The following GRID1 variants were observed in gnomAD, a reference collection of about 807,000 sequenced individuals.
GRID1 encodes the protein glutamate receptor ionotropic, delta-1.
Under a neutral mutation model 98.0 loss-of-function variants are expected in GRID1, and 28 were observed. That is an observed-to-expected ratio of 0.29 (90% confidence interval 0.21 to 0.39). The LOEUF (loss-of-function observed/expected upper bound fraction) is 0.39, where lower values mean the gene tolerates loss of function less well. Among genes scored for constraint, GRID1 ranks in the 10% least tolerant of loss-of-function variants. The pLI, the probability that GRID1 is intolerant of heterozygous loss-of-function variation, is 1.00. For missense variants in GRID1, 1,111 were observed against 1,340.5 expected, an observed-to-expected ratio of 0.83 and a Z score of 2.67; for synonymous variants, 553 against 538.5, an observed-to-expected ratio of 1.03 and a Z score of -0.37.
chr10:86,208,582 C>T (rs1048124529), intron 2 of GRID1, among the ~76,000 whole-genome samples: 10 of 152,190 alleles, frequency 6.6e-5, no homozygotes, highest in African/African-American at 2.4e-4. Flanking sequence ...ACTCTTGCTT[C>T]AAAACTCAGA....
intron 13 of GRID1, among the ~76,000 whole-genome samples, chr10:85,632,644 A>T (rs1323928852): frequency 1.3e-5 from 2 of 152,148 alleles, no homozygotes; most frequent in Non-Finnish European, 1.5e-5. Context: ...CCCAGGAACA[A>T]GTGGTTCTCG....
At chr10:85,774,564 G>A (rs971454461) in intron 8 of GRID1, among the ~76,000 whole-genome samples, 12 of 151,816 alleles carry the variant, frequency 7.9e-5, no homozygotes, top group African/African-American at 1.2e-4. Context: ...GAAAATTTTC[G>A]CAACCTACTC....
chr10:85,665,840 C>T (rs748229451), intron 12 of GRID1, among the ~76,000 whole-genome samples: 1 of 152,102 alleles, frequency 6.6e-6, no homozygotes, highest in Non-Finnish European at 1.5e-5. Context: ...AAAATCTGAG[C>T]TCTTGGGGTG....
In GRID1 at chr10:86,226,104, G is replaced by A. The variant is rs79405669; in HGVS notation, c.236-19456C>T. Among the ~76,000 whole-genome samples, 913 of 152,164 alleles carry A rather than the reference G, an allele frequency of 6.0e-3. 13 individuals carry two copies. The highest frequency in any genetic ancestry group is 0.021 in the African/African-American group (872 of 41,474). On this transcript the variant is annotated intron_variant, in intron 2 of 15. Coordinates refer to ENST00000327946, the MANE Select transcript of GRID1 (RefSeq NM_017551.3). ...CAGAGGCATGAGAAGCAAGAAGAGC[G>A]TAAGAACGAAAGGGAAGAAGGACAT...
chr10:85,745,472 A>G (rs925176382), intron 8 of GRID1, among the ~76,000 whole-genome samples: 2 of 129,450 alleles, frequency 1.5e-5, no homozygotes, highest in African/African-American at 6.0e-5. Context: ...TATCGCAAGA[A>G]CGAAAAACCA....
chr10:85,816,220 T>C (rs1313485400), intron 8 of GRID1, among the ~76,000 whole-genome samples: 1 of 152,170 alleles, frequency 6.6e-6, no homozygotes, highest in Non-Finnish European at 1.5e-5. Context: ...TAAATATCTT[T>C]ACAAAAATTT....
In GRID1 at chr10:85,609,703, G is replaced by C. The variant is rs180688020; in HGVS notation, c.2601+3704C>G. Among the ~76,000 whole-genome samples the C allele has an allele frequency of 7.9e-4, 120 of 152,368 alleles. No individual in the cohort carries two copies. The East Asian group carries it at 0.017, about 21-fold the overall frequency. On this transcript the variant is annotated intron_variant, in intron 15 of 15. Transcript: ENST00000327946. The stretch of plus-strand genomic sequence containing the variant: ...CCTGTGTGCGATGGAAACCGGGCCA[G>C]GGGAGGGCAGGCAAGGCAGAAAGCA...
intron 4 of GRID1, among the ~76,000 whole-genome samples, chr10:86,063,901 T>C (rs1416340541): frequency 6.6e-6 from 1 of 152,136 alleles, no homozygotes; most frequent in Non-Finnish European, 1.5e-5. Context: ...GGCCTAAGTA[T>C]AGAGATGAAG....
intron 4 of GRID1, among the ~76,000 whole-genome samples, chr10:86,005,666 C>T (rs1842852212): frequency 6.6e-6 from 1 of 152,186 alleles, no homozygotes; most frequent in Admixed American, 6.5e-5. Context: ...TATCCAGACT[C>T]CTTGATGTCA....
At chr10:86,354,173 T>TCCAGG (rs1392742593) in intron 2 of GRID1, among the ~76,000 whole-genome samples, 1 of 151,472 alleles carries the variant, frequency 6.6e-6, no homozygotes, top group Non-Finnish European at 1.5e-5. Flanking sequence ...AAGACAGCCT[T>TCCAGG]CCAGGCCAGG....
intron 2 of GRID1, among the ~76,000 whole-genome samples, chr10:86,324,192 G>A (rs1033177130): frequency 6.6e-6 from 1 of 151,780 alleles, no homozygotes; most frequent in African/African-American, 2.4e-5. Context: ...AAAAAAAATT[G>A]GTTTTTATTA....
Position 86,302,368 on chromosome 10 carries a change from C to G in GRID1, c.235+61573G>C, listed in dbSNP as rs544913131. ...GAGGTTTGAGAAGCACTCTGGGGTACTTTTTGTGAATGAAAACTTCTAACA... is the reference window on the plus strand; with the variant it reads ...GAGGTTTGAGAAGCACTCTGGGGTAGTTTTTGTGAATGAAAACTTCTAACA... On this transcript the variant is annotated intron_variant, in intron 2 of 15. Transcript: ENST00000327946. Among the ~76,000 whole-genome samples, 6 of 152,304 alleles carry G rather than the reference C, an allele frequency of 3.9e-5. No individual in the cohort carries two copies. The East Asian group carries it at 1.2e-3, about 29-fold the overall frequency.
At chr10:86,305,659 G>A (rs991837242) in intron 2 of GRID1, among the ~76,000 whole-genome samples, 5 of 152,164 alleles carry the variant, frequency 3.3e-5, no homozygotes, top group African/African-American at 1.2e-4. Context: ...AGGAGTGGCA[G>A]CATTATCTCT....
intron 4 of GRID1, among the ~76,000 whole-genome samples, chr10:86,082,530 G>T (rs934081252): frequency 6.6e-6 from 1 of 152,082 alleles, no homozygotes; most frequent in Non-Finnish European, 1.5e-5. Context: ...ACTTCTAACT[G>T]GTCCCTCAGA....
intron 2 of GRID1, among the ~76,000 whole-genome samples, chr10:86,273,007 A>C (rs1300703852): frequency 6.6e-6 from 1 of 152,032 alleles, no homozygotes. Context: ...GGTGTGCTAC[A>C]CCCATTAACT....
At chr10:86,049,129 C>T (rs1236088267) in intron 4 of GRID1, among the ~76,000 whole-genome samples, 4 of 152,148 alleles carry the variant, frequency 2.6e-5, no homozygotes, top group East Asian at 1.9e-4. Context: ...AGCCAGTAAA[C>T]GGCAGGACTG....
chr10:85,599,802 A>AAAAAAAAAAAAAAATATAT lies in GRID1; in HGVS notation c.*2470_*2471insATATATTTTTTTTTTTTTT. The AAAAAAAAAAAAAAATATAT allele has an allele frequency of 2.8e-4, 18 of 64,956 alleles. No homozygotes were observed. The highest frequency in any genetic ancestry group is 8.5e-4 in the East Asian group (2 of 2,352). 4.0% of individuals were successfully genotyped at this position (64,956 alleles called of 1,614,324 possible). ...GTAGAAAATTCTAAAAAAAAAAAAA[A>AAAAAAAAAAAAAAATATAT]ATATATATATATATATATAAACATG... On this transcript the variant is annotated 3_prime_UTR_variant, in exon 16 of 16. Transcript: ENST00000327946.
intron 8 of GRID1, among the ~76,000 whole-genome samples, chr10:85,808,781 CA>C (rs1418794625): frequency 1.8e-4 from 28 of 151,986 alleles, no homozygotes; most frequent in African/African-American, 6.5e-4. Flanking sequence ...TAACATAAAC[CA>C]AAGATGGTAC....
intron 4 of GRID1, among the ~76,000 whole-genome samples, chr10:86,091,277 A>G (rs1237938888): frequency 6.6e-6 from 1 of 152,088 alleles, no homozygotes; most frequent in Non-Finnish European, 1.5e-5. Flanking sequence ...CTGGAAACAG[A>G]CTCAGGGCTA....
Sources: allele counts gnomAD v4.1 joint callset (sites outside exome capture counted in the v4.1 genomes callset), GRCh38; gene constraint gnomAD v4.1.1; transcripts MANE v1.5; gene names NCBI Gene and HGNC (gene_info 2026-07-23, HGNC 2026-07-21).